Variants in SCN1A observed in about 807,000 individuals in gnomAD.
SCN1A encodes sodium voltage-gated channel alpha subunit 1, also known as sodium channel protein type 1 subunit alpha.
SCN1A carries 13 observed loss-of-function variants against 193.7 expected under a neutral mutation model. The ratio of observed to expected loss-of-function variants is 0.07; its 90% CI spans 0.04 to 0.11. SCN1A has a LOEUF of 0.11. Among genes scored for constraint, SCN1A ranks in the 10% least tolerant of loss-of-function variants. The pLI is 1.00. For missense variants in SCN1A, 1,432 were observed against 2,451.1 expected, an observed-to-expected ratio of 0.58 and a Z score of 8.78; for synonymous variants, 781 against 843.6, an observed-to-expected ratio of 0.93 and a Z score of 1.29.
At chr2:166,114,784 G>A (rs1689663840) in intron 2 of SCN1A, among the ~76,000 whole-genome samples, 1 of 152,012 alleles carries the variant, frequency 6.6e-6, no homozygotes, top group African/African-American at 2.4e-5. Flanking sequence ...TATTCTGATG[G>A]CATTAAAAAA....
At chr2:166,020,810 T>C (rs961013410) in intron 19 of SCN1A, among the ~76,000 whole-genome samples, 3 of 152,170 alleles carry the variant, frequency 2.0e-5, no homozygotes, top group African/African-American at 7.2e-5. Flanking sequence ...TTAAGATATT[T>C]GTCCTCTGGG....
intron 2 of SCN1A, among the ~76,000 whole-genome samples, chr2:166,111,034 A>G (rs1689237415): frequency 6.6e-6 from 1 of 152,150 alleles, no homozygotes. Context: ...TTTATAAATT[A>G]GCCAGTCTCG....
chr2:166,088,942 G>GA (rs1326228974), intron 2 of SCN1A, among the ~76,000 whole-genome samples: 4 of 152,190 alleles, frequency 2.6e-5, no homozygotes, highest in Non-Finnish European at 5.9e-5. Flanking sequence ...AGGGTTGCCA[G>GA]AAAAAATACA....
At chr2:165,997,355 AAG>A (rs1318463058) in intron 26 of SCN1A, among the ~76,000 whole-genome samples, 1 of 151,378 alleles carries the variant, frequency 6.6e-6, no homozygotes, top group African/African-American at 2.4e-5. Context: ...GTACAACAAT[AAG>A]AGTATGTGCA....
chr2:166,028,319 C>A (rs1325234213), intron 19 of SCN1A, among the ~76,000 whole-genome samples: 1 of 152,024 alleles, frequency 6.6e-6, no homozygotes, highest in East Asian at 1.9e-4. Flanking sequence ...AACCAAAATG[C>A]AAATCAAATG....
intron 24 of SCN1A, among the ~76,000 whole-genome samples, chr2:166,001,132 T>C (rs1690771779): frequency 6.6e-6 from 1 of 151,626 alleles, no homozygotes; most frequent in South Asian, 2.1e-4. Context: ...GAAAGCATTC[T>C]TGCTAGATTT....
In SCN1A at chr2:166,006,259, T is replaced by A. The variant is rs538913876; in HGVS notation, c.4002+3460A>T. ...AATCTTTCTTAAAAATCTAAAAAAA[T>A]TATGTTGTGGGTTTTAATTAAGACA... On this transcript the variant is annotated intron_variant, in intron 23 of 28. Coordinates refer to ENST00000674923, the MANE Select transcript of SCN1A (RefSeq NM_001165963.4). 1.2e-3 allele frequency among the ~76,000 whole-genome samples: 179 copies of A among 151,360 alleles called. 1 individual carries two copies. Among genetic ancestry groups the A allele is most frequent in the Admixed American group, 3.8e-3 (57 of 15,140 alleles).
chr2:166,023,404 A>G (rs1694322920), intron 19 of SCN1A, among the ~76,000 whole-genome samples: 1 of 152,204 alleles, frequency 6.6e-6, no homozygotes, highest in African/African-American at 2.4e-5. Context: ...ACCTGGTTTG[A>G]CCTCTTACTT....
At chr2:165,995,211 G>C (rs531350481) in intron 27 of SCN1A, among the ~76,000 whole-genome samples, 1 of 151,776 alleles carries the variant, frequency 6.6e-6, no homozygotes, top group African/African-American at 2.4e-5. Flanking sequence ...TCTACTCTTA[G>C]TGCTAAATTT....
rs1559215506 is a variant in SCN1A at position 166,043,738 on chromosome 2, T to C, written c.1974A>G (p.Ser658=). 4 of 1,614,032 alleles carry C rather than the reference T, an allele frequency of 2.5e-6. No homozygotes were observed. The highest frequency in any genetic ancestry group is 1.1e-5 in the South Asian group (1 of 91,092). The change falls in exon 14 of 29, where the codon TCA becomes TCG. Residue 658 remains serine (S), a synonymous_variant. Coordinates refer to ENST00000674923, the MANE Select transcript of SCN1A (RefSeq NM_001165963.4). ...GCTGTCCAACAGGCGATGTAGGAAC[T>C]GAAGGTCCACCAACCAAGGAAACCA... The part of the protein sequence containing the change: ...NGVVSLVGGP[S]VPTSPVGQLL...
At chr2:166,048,042 A>G (rs1052893960) in intron 10 of SCN1A, among the ~76,000 whole-genome samples, 1 of 152,052 alleles carries the variant, frequency 6.6e-6, no homozygotes, top group African/African-American at 2.4e-5. Flanking sequence ...CATTTTTACT[A>G]CTATGGAGTC....
chr2:166,111,138 G>A (rs896901827), intron 2 of SCN1A, among the ~76,000 whole-genome samples: 2 of 152,144 alleles, frequency 1.3e-5, no homozygotes, highest in African/African-American at 2.4e-5. Flanking sequence ...AGATGAAACA[G>A]CCTTATATTA....
chr2:166,121,989 G>A (rs1690656331), intron 2 of SCN1A, among the ~76,000 whole-genome samples: 3 of 152,152 alleles, frequency 2.0e-5, no homozygotes, highest in Admixed American at 1.3e-4. Context: ...CATGCACAGA[G>A]GAAAAGACAG....
chr2:166,080,536 G>A (rs558530295), intron 2 of SCN1A, among the ~76,000 whole-genome samples: 1 of 151,600 alleles, frequency 6.6e-6, no homozygotes, highest in Non-Finnish European at 1.5e-5. Context: ...GTAGAGTAGT[G>A]GGCAATAGAA....
chr2:166,013,341 C>T (rs1264173666), intron 21 of SCN1A, among the ~76,000 whole-genome samples: 1 of 151,302 alleles, frequency 6.6e-6, no homozygotes, highest in Non-Finnish European at 1.5e-5. Flanking sequence ...TACTACTGTC[C>T]ATCAAGAGAT....
At chr2:166,038,390 G>C (rs1459932403) in intron 17 of SCN1A, among the ~76,000 whole-genome samples, 1 of 151,810 alleles carries the variant, frequency 6.6e-6, no homozygotes, top group African/African-American at 2.4e-5. Context: ...ACCCAGGCGG[G>C]AGTGCAGAGG....
intron 2 of SCN1A, among the ~76,000 whole-genome samples, chr2:166,086,187 T>G (rs1282545209): frequency 6.6e-6 from 1 of 152,070 alleles, no homozygotes; most frequent in Non-Finnish European, 1.5e-5. Flanking sequence ...CACTAACCAC[T>G]ATGAGGCTTT....
chr2:166,117,193 C>T (rs1292564254), intron 2 of SCN1A, among the ~76,000 whole-genome samples: 1 of 151,986 alleles, frequency 6.6e-6, no homozygotes, highest in Non-Finnish European at 1.5e-5. Context: ...GTCATTTTTT[C>T]AAATAAAAAT....
upstream of SCN1A, among the ~76,000 whole-genome samples, chr2:166,129,137 TTATTA>T (rs763565521): frequency 2.6e-4 from 39 of 152,268 alleles, no homozygotes; most frequent in Non-Finnish European, 5.0e-4. Context: ...ACTATTAATG[TTATTA>T]TATTATAATT....
Sources: allele counts gnomAD v4.1 joint callset (sites outside exome capture counted in the v4.1 genomes callset), GRCh38; gene constraint gnomAD v4.1.1; transcripts MANE v1.5; gene names NCBI Gene and HGNC (gene_info 2026-07-23, HGNC 2026-07-21).